Variants in ITGA9 observed in about 807,000 individuals in gnomAD.
ITGA9 encodes the protein integrin subunit alpha 9.
In ITGA9, 56 loss-of-function variants were observed where a neutral mutation model predicts 127.8. The observed-to-expected ratio is 0.44, with a 90% CI of 0.35 to 0.55. ITGA9 has a LOEUF of 0.55. ITGA9 is among the 20% of genes least tolerant of loss of function. ITGA9 has a pLI of 0.00. For missense variants in ITGA9, 1,196 were observed against 1,347.1 expected (o/e 0.89, Z 1.76); for synonymous variants, 508 against 514.5 (o/e 0.99, Z 0.17).
At chr3:37,721,374 C>T (rs1701188743) in intron 18 of ITGA9, among the ~76,000 whole-genome samples, 1 of 152,100 alleles carries the variant, frequency 6.6e-6, no homozygotes, top group African/African-American at 2.4e-5. Context: ...CCTTGGCCTC[C>T]CAAAATGCCG....
At chr3:37,694,244 A>G (rs934283636) in intron 18 of ITGA9, among the ~76,000 whole-genome samples, 2 of 152,194 alleles carry the variant, frequency 1.3e-5, no homozygotes, top group Non-Finnish European at 2.9e-5. Context: ...GAGACCCTTC[A>G]GTGTTTCTCA....
intron 18 of ITGA9, among the ~76,000 whole-genome samples, chr3:37,726,832 G>A (rs760555786): frequency 6.6e-6 from 1 of 152,236 alleles, no homozygotes; most frequent in Non-Finnish European, 1.5e-5. Flanking sequence ...CATAAATCAA[G>A]TGTGCTTTTC....
chr3:37,812,367 G>A (rs1047939931), intron 27 of ITGA9, among the ~76,000 whole-genome samples: 2 of 152,226 alleles, frequency 1.3e-5, no homozygotes, highest in African/African-American at 4.8e-5. Flanking sequence ...CAACCCAAAG[G>A]CCGCGGAGTG....
intron 22 of ITGA9, chr3:37,748,939 T>TAAA (rs549488698): frequency 1.1e-5 from 6 of 551,604 alleles, no homozygotes; most frequent in Admixed American, 2.8e-5. Context: ...CTGGACTGTT[T>TAAA]AAAAAAAAAA....
chr3:37,750,745 G>C (rs979130277), intron 23 of ITGA9, among the ~76,000 whole-genome samples, 176 bp downstream of exon 23: 4 of 152,244 alleles, frequency 2.6e-5, no homozygotes, highest in African/African-American at 9.6e-5. Flanking sequence ...TTTCTACATT[G>C]AGACCATTTG....
intron 22 of ITGA9, among the ~76,000 whole-genome samples, chr3:37,746,196 A>C (rs2125535529): frequency 6.6e-6 from 1 of 152,362 alleles, no homozygotes; most frequent in Non-Finnish European, 1.5e-5. Flanking sequence ...TTATTCCAGT[A>C]ATATTGTTCC....
At chr3:37,695,900 C>T (rs183569662) in intron 18 of ITGA9, among the ~76,000 whole-genome samples, 1 of 152,318 alleles carries the variant, frequency 6.6e-6, no homozygotes, top group Non-Finnish European at 1.5e-5. Flanking sequence ...CCCACAGGAA[C>T]CCCATTCCTT....
chr3:37,533,599 C>T (rs1699180395), intron 14 of ITGA9, 131 bp downstream of exon 14: 1 of 842,022 alleles, frequency 1.2e-6, no homozygotes, highest in Non-Finnish European at 1.9e-6. Context: ...GCTGGACATC[C>T]TTTCCCTCTG....
intron 15 of ITGA9, among the ~76,000 whole-genome samples, chr3:37,585,293 T>C (rs1390114448): frequency 6.6e-6 from 1 of 152,142 alleles, no homozygotes; most frequent in Non-Finnish European, 1.5e-5. Flanking sequence ...AAGTGCATGG[T>C]TGATTAGCAG....
chr3:37,720,530 AT>A (rs1389363511), intron 18 of ITGA9, among the ~76,000 whole-genome samples: 2 of 152,108 alleles, frequency 1.3e-5, no homozygotes, highest in East Asian at 3.9e-4. Flanking sequence ...CTCCGAGGAA[AT>A]TTTTTTTAAT....
At chr3:37,517,452 T>G in intron 9 of ITGA9, 52 bp from the exon 10 acceptor site, 1 of 1,297,848 alleles carries the variant, frequency 7.7e-7, no homozygotes, top group Non-Finnish European at 1.1e-6. Context: ...TTATTGTTTG[T>G]TCTGTTTGTT....
chr3:37,528,224 G>A (rs945424177), intron 13 of ITGA9, among the ~76,000 whole-genome samples: 5 of 152,174 alleles, frequency 3.3e-5, no homozygotes, highest in African/African-American at 1.2e-4. Context: ...TCTTCATGGT[G>A]AGGGACAGCC....
intron 26 of ITGA9, chr3:37,789,929 G>A (rs1697088413): frequency 1.3e-5 from 9 of 706,796 alleles, no homozygotes; most frequent in South Asian, 3.0e-5. Flanking sequence ...CATTTTGATT[G>A]TATTGCTTTC....
intron 26 of ITGA9, among the ~76,000 whole-genome samples, chr3:37,797,140 C>A (rs1697183143): frequency 6.6e-6 from 1 of 151,970 alleles, no homozygotes; most frequent in African/African-American, 2.4e-5. Flanking sequence ...CCAGCCTGGG[C>A]AACATGGCAA....
intron 17 of ITGA9, among the ~76,000 whole-genome samples, chr3:37,664,708 G>A (rs1005810448): frequency 3.3e-5 from 5 of 152,046 alleles, no homozygotes; most frequent in Non-Finnish European, 1.5e-5. Flanking sequence ...GGCCGAGTCA[G>A]CACATTCTTT....
intron 3 of ITGA9, among the ~76,000 whole-genome samples, chr3:37,477,024 G>A (rs1389975365): frequency 6.6e-6 from 1 of 152,170 alleles, no homozygotes; most frequent in East Asian, 1.9e-4. Context: ...TCTGTAAAAT[G>A]TTCCTTGGAA....
At position 37,503,296 on chromosome 3, in the gene ITGA9, A is replaced by G; in HGVS notation, c.731A>G (p.Tyr244Cys). 1 of 1,614,144 alleles carries G rather than the reference A, an allele frequency of 6.2e-7. No individual in the cohort carries two copies. Among genetic ancestry groups the G allele is most frequent in the Non-Finnish European group, 8.5e-7 (1 of 1,179,986 alleles). Residue 244 changes from tyrosine (Y) to cysteine (C), a missense_variant, in exon 6 of 28, where the codon TAC becomes TGC. Coordinates refer to ENST00000264741, the MANE Select transcript of ITGA9 (RefSeq NM_002207.3). ...LNDEVIMNRR[Y>C]TYLGYAVTAG... ...GACGAAGTGATCATGAACAGGCGGT[A>G]CACCTACCTGGGTGAGTACTCAGGG...
chr3:37,478,907 C>G (rs1559516183), intron 3 of ITGA9, among the ~76,000 whole-genome samples: 1 of 152,136 alleles, frequency 6.6e-6, no homozygotes. Flanking sequence ...TAGTTTATGG[C>G]ACTTAAAAAA....
chr3:37,639,545 C>A (rs1207308577), intron 16 of ITGA9, among the ~76,000 whole-genome samples: 1 of 152,010 alleles, frequency 6.6e-6, no homozygotes, highest in Non-Finnish European at 1.5e-5. Context: ...GGGGAGAGGC[C>A]ATCTGGACTG....
Sources: allele counts gnomAD v4.1 joint callset (sites outside exome capture counted in the v4.1 genomes callset), GRCh38; gene constraint gnomAD v4.1.1; transcripts MANE v1.5; gene names NCBI Gene and HGNC (gene_info 2026-07-23, HGNC 2026-07-21).